PDE10A: variants seen among roughly 807,000 people sequenced by gnomAD.
The protein encoded by PDE10A is phosphodiesterase 10A.
PDE10A carries 39 observed loss-of-function variants against 97.7 expected under a neutral mutation model. The observed-to-expected ratio is 0.40, with a 90% CI of 0.31 to 0.52. PDE10A has a LOEUF of 0.52. Ranked by LOEUF, PDE10A falls within the 20% of genes least tolerant of loss-of-function variation. The pLI is 0.56. For synonymous variants in PDE10A, 371 were observed against 376.8 expected (o/e 0.98, Z 0.18); for missense variants, 731 against 1,047.8 (o/e 0.70, Z 4.17).
intron 1 of PDE10A, among the ~76,000 whole-genome samples, chr6:165,971,059 A>G (rs1784655321): frequency 6.6e-6 from 1 of 152,160 alleles, no homozygotes; most frequent in Admixed American, 6.5e-5. Flanking sequence ...GAGGCAGGAG[A>G]ATCTCTTGAA....
chr6:165,367,110 G>A (rs1783822154), intron 18 of PDE10A, among the ~76,000 whole-genome samples: 1 of 151,854 alleles, frequency 6.6e-6, no homozygotes, highest in Non-Finnish European at 1.5e-5. Context: ...GAATCTTCAG[G>A]AAAATATATA....
intron 1 of PDE10A, among the ~76,000 whole-genome samples, chr6:165,958,613 GGAAGGAAGGAAT>G (rs1356424617): frequency 3.4e-5 from 5 of 146,412 alleles, no homozygotes; most frequent in East Asian, 2.0e-4. Flanking sequence ...GAGAAAGGAA[GGAAGGAAGGAAT>G]GAAGGAAGGA....
intron 2 of PDE10A, among the ~76,000 whole-genome samples, chr6:165,484,500 T>C (rs1779788800): frequency 6.6e-6 from 1 of 152,234 alleles, no homozygotes; most frequent in Non-Finnish European, 1.5e-5. Context: ...GCTTGGGATC[T>C]AGGCTGTGTG....
At chr6:165,491,115 C>G (rs948900317) in intron 2 of PDE10A, among the ~76,000 whole-genome samples, 4 of 152,098 alleles carry the variant, frequency 2.6e-5, no homozygotes, top group Admixed American at 2.6e-4. Context: ...ATTTTTACAT[C>G]AGACAGGACA....
chr6:165,814,882 A>G (rs1477604769), intron 1 of PDE10A, among the ~76,000 whole-genome samples: 3 of 152,048 alleles, frequency 2.0e-5, no homozygotes, highest in Non-Finnish European at 4.4e-5. Context: ...TTGTGCCTCA[A>G]GAGTCTGGCA....
At chr6:165,549,034 C>G (rs1412704414) in intron 1 of PDE10A, among the ~76,000 whole-genome samples, 3 of 152,194 alleles carry the variant, frequency 2.0e-5, no homozygotes, top group African/African-American at 7.2e-5. Context: ...CCTCTTCAAG[C>G]AGGTTCAGTC....
At chr6:165,784,805 G>T (rs1316762817) in intron 1 of PDE10A, among the ~76,000 whole-genome samples, 2 of 152,162 alleles carry the variant, frequency 1.3e-5, no homozygotes, top group South Asian at 4.1e-4. Context: ...ATGAAGACAG[G>T]TGGAGGCTAC....
chr6:165,710,594 C>T (rs1269637140), intron 1 of PDE10A, among the ~76,000 whole-genome samples: 3 of 152,104 alleles, frequency 2.0e-5, no homozygotes, highest in Non-Finnish European at 2.9e-5. Context: ...TTCCAATAAT[C>T]CCATTTCATA....
At chr6:165,838,637 C>T (rs1303312722) in intron 1 of PDE10A, among the ~76,000 whole-genome samples, 1 of 152,212 alleles carries the variant, frequency 6.6e-6, no homozygotes, top group Non-Finnish European at 1.5e-5. Flanking sequence ...AGTATTTCTT[C>T]AGGGAATATT....
chr6:165,364,600 T>G (rs1157150649), intron 18 of PDE10A, among the ~76,000 whole-genome samples: 1 of 152,210 alleles, frequency 6.6e-6, no homozygotes, highest in African/African-American at 2.4e-5. Flanking sequence ...GGTGGCAGAC[T>G]TTTTTATACC....
chr6:165,639,957 C>T (rs558735130), intron 1 of PDE10A, among the ~76,000 whole-genome samples: 11 of 151,598 alleles, frequency 7.3e-5, no homozygotes, highest in African/African-American at 1.9e-4. Flanking sequence ...GTGGTCCCGA[C>T]GACTCAGGAG....
chr6:165,858,213 AAC>A (rs1435306375), intron 1 of PDE10A, among the ~76,000 whole-genome samples: 4 of 152,180 alleles, frequency 2.6e-5, no homozygotes, highest in Non-Finnish European at 5.9e-5. Context: ...GGGAGTTATA[AAC>A]ACACATAAAA....
intron 18 of PDE10A, among the ~76,000 whole-genome samples, chr6:165,356,909 C>A (rs543973439): frequency 2.0e-5 from 3 of 151,976 alleles, no homozygotes; most frequent in Non-Finnish European, 4.4e-5. Flanking sequence ...CCTTTCATTT[C>A]TATTTCTTTC....
At chr6:165,497,415 A>C (rs1328295969) in intron 2 of PDE10A, among the ~76,000 whole-genome samples, 2 of 152,182 alleles carry the variant, frequency 1.3e-5, no homozygotes, top group Non-Finnish European at 2.9e-5. Context: ...TGCCTTCCTT[A>C]TATTTTATTT....
intron 19 of PDE10A, among the ~76,000 whole-genome samples, chr6:165,342,000 G>A (rs1338914254): frequency 6.6e-6 from 1 of 152,082 alleles, no homozygotes; most frequent in Non-Finnish European, 1.5e-5. Context: ...ATGTACTATG[G>A]TTAACTTTAC....
At chr6:165,947,956 A>G (rs952064582) in intron 1 of PDE10A, among the ~76,000 whole-genome samples, 1 of 152,112 alleles carries the variant, frequency 6.6e-6, no homozygotes, top group African/African-American at 2.4e-5. Context: ...ATTCTGCTTT[A>G]TTTTCAGAAT....
intron 13 of PDE10A, among the ~76,000 whole-genome samples, chr6:165,400,137 CAAAT>C (rs1384193006): frequency 2.0e-5 from 3 of 151,678 alleles, no homozygotes; most frequent in Non-Finnish European, 4.4e-5. Flanking sequence ...AATATATAAA[CAAAT>C]AAATAAAAAC....
At chr6:165,371,163 A>G (rs1265794838) in intron 18 of PDE10A, among the ~76,000 whole-genome samples, 1 of 151,842 alleles carries the variant, frequency 6.6e-6, no homozygotes, top group African/African-American at 2.4e-5. Flanking sequence ...CATCATAATT[A>G]AAAGAACTAG....
intron 1 of PDE10A, among the ~76,000 whole-genome samples, chr6:165,723,364 A>G (rs999219230): frequency 6.6e-6 from 1 of 152,202 alleles, no homozygotes; most frequent in Non-Finnish European, 1.5e-5. Context: ...TTGACTGGGA[A>G]GAGTGTTTGC....
Sources: allele counts gnomAD v4.1 joint callset (sites outside exome capture counted in the v4.1 genomes callset), GRCh38; gene constraint gnomAD v4.1.1; transcripts MANE v1.5; gene names NCBI Gene and HGNC (gene_info 2026-07-23, HGNC 2026-07-21).